ARHGEF28: variants seen among roughly 807,000 people sequenced by gnomAD.
ARHGEF28 encodes Rho guanine nucleotide exchange factor 28.
In ARHGEF28, 152 loss-of-function variants were observed where a neutral mutation model predicts 206.6. That is an observed-to-expected ratio of 0.74 (90% CI 0.64 to 0.84). The LOEUF (loss-of-function observed/expected upper bound fraction) is 0.84, where lower values mean the gene tolerates loss of function less well. Among genes scored for constraint, ARHGEF28 ranks in the 40% least tolerant of loss-of-function variants. ARHGEF28 has a pLI of 0.00. For synonymous variants in ARHGEF28, 763 were observed against 776.4 expected (o/e 0.98, Z 0.29); for missense variants, 2,028 against 2,073.2 (o/e 0.98, Z 0.42).
intron 2 of ARHGEF28, among the ~76,000 whole-genome samples, chr5:73,728,463 A>G (rs909231632): frequency 1.1e-4 from 17 of 152,200 alleles, no homozygotes; most frequent in Admixed American, 1.1e-3. Flanking sequence ...TGCTTTGTAA[A>G]AAGGGTTTAA....
intron 7 of ARHGEF28, among the ~76,000 whole-genome samples, chr5:73,784,404 A>C (rs1754030300): frequency 6.6e-6 from 1 of 152,190 alleles, no homozygotes; most frequent in African/African-American, 2.4e-5. Context: ...TCCCAGAATA[A>C]TGGCACATTA....
At chr5:73,657,343 T>C (rs1745287590) in intron 1 of ARHGEF28, among the ~76,000 whole-genome samples, 1 of 152,242 alleles carries the variant, frequency 6.6e-6, no homozygotes, top group South Asian at 2.1e-4. Context: ...TTCTTTGCTT[T>C]TTAACTTGTC....
intron 2 of ARHGEF28, among the ~76,000 whole-genome samples, chr5:73,740,959 TTGA>T (rs1751342857): frequency 6.6e-6 from 1 of 152,154 alleles, no homozygotes; most frequent in Non-Finnish European, 1.5e-5. Context: ...GTTTATGTAG[TTGA>T]TGATTTGGGG....
At chr5:73,842,489 G>C (rs896491752) in intron 11 of ARHGEF28, among the ~76,000 whole-genome samples, 1 of 152,130 alleles carries the variant, frequency 6.6e-6, no homozygotes, top group African/African-American at 2.4e-5. Flanking sequence ...TAAAAGACTT[G>C]CTTTAGATTT....
At chr5:73,800,759 ATGACTGT>A (rs1487530541) in intron 9 of ARHGEF28, among the ~76,000 whole-genome samples, 1 of 152,230 alleles carries the variant, frequency 6.6e-6, no homozygotes, top group Non-Finnish European at 1.5e-5. Context: ...CAGATCTTTC[ATGACTGT>A]AGACAAGACC....
At chr5:73,883,473 CA>C (rs1292819675) in intron 23 of ARHGEF28, among the ~76,000 whole-genome samples, 2 of 152,114 alleles carry the variant, frequency 1.3e-5, no homozygotes, top group Non-Finnish European at 2.9e-5. Context: ...GATTATTTTT[CA>C]AAAATTTTGC....
chr5:73,711,129 ATTT>A (rs1749219980), intron 2 of ARHGEF28, among the ~76,000 whole-genome samples: 1 of 152,150 alleles, frequency 6.6e-6, no homozygotes, highest in African/African-American at 2.4e-5. Context: ...TGATTTTATT[ATTT>A]TAACGTATTT....
Position 73,898,026 on chromosome 5 carries a change from C to T in ARHGEF28, c.3906C>T (p.Asp1302=). Residue 1302 remains aspartate, a synonymous_variant, in exon 30 of 36, where the codon GAC becomes GAT. Transcript: ENST00000513042. ...QMGAVSQSCE[D]SCGDSVLADT... ...GCGCCGTGAGTCAATCATGTGAGGA[C>T]AGTTGTGGAGACTCTGTCTTGGCGG... The T allele has an allele frequency of 6.2e-7, 1 of 1,609,228 alleles. No homozygotes were observed. The highest frequency in any genetic ancestry group is 2.2e-5 in the East Asian group (1 of 44,764).
Position 73,840,605 on chromosome 5 carries a change from C to T in ARHGEF28, c.1272C>T (p.Pro424=), listed in dbSNP as rs763055640. 8.7e-6 allele frequency: 14 copies of T among 1,614,026 alleles called. No individual in the cohort carries two copies. The highest frequency in any genetic ancestry group is 3.3e-5 in the Admixed American group (2 of 60,024). ...ACACCCTTCCTACAGAAACCAGTCC[C>T]AGTGTGTACCCACTTAGTGAAAATG... The part of the protein sequence containing the change: ...SKHTLPTETS[P]SVYPLSENVE... The change falls in exon 11 of 36, where the codon CCC becomes CCT. Residue 424 remains proline, a synonymous_variant. Transcript: ENST00000513042.
intron 9 of ARHGEF28, among the ~76,000 whole-genome samples, chr5:73,831,639 G>A (rs1485677596): frequency 2.0e-5 from 3 of 151,810 alleles, no homozygotes; most frequent in African/African-American, 4.9e-5. Context: ...ATACTTCTAA[G>A]TTATTAATAA....
intron 7 of ARHGEF28, among the ~76,000 whole-genome samples, chr5:73,787,055 A>C (rs1754204295): frequency 6.6e-6 from 1 of 152,198 alleles, no homozygotes; most frequent in South Asian, 2.1e-4. Flanking sequence ...GCTCTTATCC[A>C]CACAAAGTGT....
At chr5:73,822,818 G>T (rs73118580) in intron 9 of ARHGEF28, among the ~76,000 whole-genome samples, 1 of 152,212 alleles carries the variant, frequency 6.6e-6, no homozygotes, top group African/African-American at 2.4e-5. Context: ...GTAGAAACAA[G>T]GTCTTGCTGT....
At chr5:73,734,153 C>G (rs1257889968) in intron 2 of ARHGEF28, among the ~76,000 whole-genome samples, 1 of 151,784 alleles carries the variant, frequency 6.6e-6, no homozygotes, top group East Asian at 1.9e-4. Flanking sequence ...TGGATCTAAA[C>G]TATATAAGAG....
chr5:73,868,156 G>A lies in ARHGEF28; in HGVS notation c.2354G>A (p.Ser785Asn), dbSNP rs1176980011. The stretch of plus-strand genomic sequence containing the variant: ...GAGAGTGACCATAACAGCTGCAGAA[G>A]CAGGTCTCATTCTGATGAGCTGCTA... ...ESESDHNSCR[S>N]RSHSDELLQS... Residue 785 changes from serine (S) to asparagine (N), a missense_variant, in exon 20 of 36, where the codon AGC (serine) becomes AAC (asparagine). Ser to Asn is a conservative substitution (Grantham distance 46). Around this residue, in one of 3 missense-constraint regions of ARHGEF28, gnomAD observed 1,002 missense variants for 1,015.3 expected, o/e 0.99. Coordinates refer to ENST00000513042, the MANE Select transcript of ARHGEF28 (RefSeq NM_001177693.2). 6.2e-7 allele frequency: 1 copy of A among 1,606,782 alleles called. No individual in the cohort carries two copies. Among genetic ancestry groups the A allele is most frequent in the Non-Finnish European group, 8.5e-7 (1 of 1,176,432 alleles).
At chr5:73,937,766 T>C (rs1764498952) in intron 35 of ARHGEF28, among the ~76,000 whole-genome samples, 1 of 152,144 alleles carries the variant, frequency 6.6e-6, no homozygotes, top group Non-Finnish European at 1.5e-5. Context: ...TTAACAAATG[T>C]TTTTTCAGTT....
intron 35 of ARHGEF28, among the ~76,000 whole-genome samples, chr5:73,937,493 A>G (rs1008414788): frequency 2.3e-4 from 35 of 152,222 alleles, no homozygotes; most frequent in Admixed American, 1.6e-3. Flanking sequence ...TTAGGGATCA[A>G]ATTATTTCTT....
intron 16 of ARHGEF28, among the ~76,000 whole-genome samples, chr5:73,858,505 C>T (rs192076901): frequency 1.7e-4 from 26 of 152,284 alleles, no homozygotes; most frequent in Non-Finnish European, 3.1e-4. Flanking sequence ...CTGATGCTCT[C>T]GGCCTTTAAT....
intron 1 of ARHGEF28, among the ~76,000 whole-genome samples, chr5:73,679,850 C>A (rs866897120): frequency 6.6e-6 from 1 of 152,132 alleles, no homozygotes; most frequent in Non-Finnish European, 1.5e-5. Flanking sequence ...ATAACCAGCA[C>A]GTCTCAATGT....
intron 7 of ARHGEF28, among the ~76,000 whole-genome samples, chr5:73,787,589 A>G (rs1025189093): frequency 6.6e-6 from 1 of 151,896 alleles, no homozygotes; most frequent in Non-Finnish European, 1.5e-5. Flanking sequence ...CCCTGTGTCC[A>G]CTTTATTCAA....
Sources: gnomAD v4.1 joint callset for allele counts (sites outside exome capture counted in the v4.1 genomes callset) on GRCh38, gnomAD v4.1.1 for gene constraint, gnomAD v4.1.1 regional missense constraint, MANE v1.5 for transcripts, NCBI Gene and HGNC (gene_info 2026-07-23, HGNC 2026-07-21) for gene names.